Variants in MTO1 observed in about 807,000 individuals in gnomAD.
MTO1 encodes the protein 5-taurinomethyluridine-[tRNA] synthase subunit MTO1, mitochondrial.
In MTO1, 46 loss-of-function variants were observed where a neutral mutation model predicts 71.6. The ratio of observed to expected loss-of-function variants is 0.64; its 90% CI spans 0.51 to 0.82. The LOEUF (loss-of-function observed/expected upper bound fraction) is 0.82, where lower values mean the gene tolerates loss of function less well. Ranked by LOEUF, MTO1 falls within the 40% of genes least tolerant of loss-of-function variation. MTO1 has a pLI of 0.00. For missense variants in MTO1, 773 were observed against 867.5 expected (o/e 0.89, Z 1.37); for synonymous variants, 297 against 312.1 (o/e 0.95, Z 0.51).
intron 9 of MTO1, among the ~76,000 whole-genome samples, chr6:73,488,920 A>G (rs1490885409): frequency 6.6e-6 from 1 of 151,800 alleles, no homozygotes; most frequent in East Asian, 1.9e-4. Context: ...CCGTCTAAAA[A>G]ACAACAACAA....
chr6:73,473,735 T>TC, intron 4 of MTO1, 81 bp downstream of exon 4: 3 of 1,245,648 alleles, frequency 2.4e-6, no homozygotes, highest in Non-Finnish European at 3.3e-6. Context: ...TTTTTTTTTT[T>TC]TTTGGCAGCA....
At position 73,466,355 on chromosome 6, in the gene MTO1, G is replaced by A. The variant is rs148349692; in HGVS notation, c.364G>A (p.Val122Met). ...ATTAAACCGGCGTAAGGGACCAGCT[G>A]TGTGGGGTCTGAGAGCTCAGATTGA... Reference protein sequence around the residue: ...KVLNRRKGPAVWGLRAQIDRK... With the variant: ...KVLNRRKGPAMWGLRAQIDRK... The change falls in exon 2 of 12, where the codon GTG becomes ATG. Residue 122 changes from valine (V) to methionine (M), a missense_variant. Coordinates refer to ENST00000498286, the MANE Select transcript of MTO1 (RefSeq NM_012123.4). 10 of 1,614,060 alleles carry A rather than the reference G, an allele frequency of 6.2e-6. No individual in the cohort carries two copies. The African/African-American group carries it at 1.1e-4, about 17-fold the overall frequency.
At chr6:73,480,183 T>G (rs1008348295) in intron 6 of MTO1, 57 bp downstream of exon 6, 1 of 1,528,560 alleles carries the variant, frequency 6.5e-7, no homozygotes. Flanking sequence ...TAATGGTCAG[T>G]GAGGAGGCCT....
chr6:73,478,685 C>A (rs1771401052), intron 4 of MTO1, among the ~76,000 whole-genome samples: 1 of 151,914 alleles, frequency 6.6e-6, no homozygotes, highest in Non-Finnish European at 1.5e-5. Context: ...ATTACAGGCA[C>A]CTGCCACCAT....
At chr6:73,471,200 G>T in intron 3 of MTO1, among the ~76,000 whole-genome samples, 1 of 81,144 alleles carries the variant, frequency 1.2e-5, no homozygotes. Context: ...GCTTTTGGAG[G>T]CCATGCTTTT....
intron 7 of MTO1, among the ~76,000 whole-genome samples, chr6:73,481,470 A>T (rs1287440539): frequency 0.026 from 2 of 76 alleles, no homozygotes; most frequent in Non-Finnish European, 0.042. Context: ...GTGGGTTTTA[A>T]AAAAAAGATT....
In MTO1 at chr6:73,466,277, T is replaced by A. The variant is rs145131490; in HGVS notation, c.286T>A (p.Leu96Met). 14 of 1,613,996 alleles carry A rather than the reference T, an allele frequency of 8.7e-6. No individual in the cohort carries two copies. The highest frequency in any genetic ancestry group is 4.0e-5 in the African/African-American group (3 of 74,930). Reference protein sequence around the residue: ...KGHLMREVDALDGLCSRICDQ... With the variant: ...KGHLMREVDAMDGLCSRICDQ... ...ACATTTAATGAGGGAAGTAGATGCC[T>A]TGGATGGCCTGTGTTCTCGCATCTG... Residue 96 changes from leucine to methionine, a missense_variant, in exon 2 of 12, where the codon TTG (leucine) becomes ATG (methionine). Transcript: ENST00000498286.
intron 7 of MTO1, 160 bp downstream of exon 7, chr6:73,480,965 TA>T: frequency 1.9e-6 from 1 of 519,214 alleles, no homozygotes; most frequent in Non-Finnish European, 3.1e-6. Flanking sequence ...TTGTAGATAA[TA>T]GGGTTTTTTT....
At chr6:73,486,489 G>T in intron 9 of MTO1, 2 of 354,794 alleles carry the variant, frequency 5.6e-6, no homozygotes, top group Non-Finnish European at 5.7e-6. Context: ...TGTAATCCCA[G>T]CACTTTAGGA....
In MTO1 at chr6:73,507,132, T is replaced by A. The variant is rs1431735713; in HGVS notation, c.*6397T>A. Reference sequence around the variant, plus strand: ...TGACTGAAAAACATCTTAGATGCAATGAAATACAGTGTGTGTGTTTGTATT... The same window carrying A: ...TGACTGAAAAACATCTTAGATGCAAAGAAATACAGTGTGTGTGTTTGTATT... On this transcript the variant is annotated 3_prime_UTR_variant, in exon 12 of 12. Coordinates refer to ENST00000498286, the MANE Select transcript of MTO1 (RefSeq NM_012123.4). The A allele has an allele frequency of 6.6e-6, 1 of 152,038 alleles. No individual in the cohort carries two copies. The highest frequency in any genetic ancestry group is 6.6e-5 in the Admixed American group (1 of 15,262). The allele number at this position is 152,038 out of a possible 1,614,324, so 9.4% of individuals were successfully genotyped here. A position where few individuals can be genotyped will look rare whatever the true frequency, so the allele number is the denominator to read the frequency against.
chr6:73,482,657 T>C (rs1771539702), intron 9 of MTO1, 37 bp downstream of exon 9: 1 of 1,516,908 alleles, frequency 6.6e-7, no homozygotes, highest in African/African-American at 1.4e-5. Context: ...TCACTTTTTA[T>C]AGAAAAATAA....
At position 73,480,825 on chromosome 6, in the gene MTO1, A is replaced by G. The variant is rs752345992; in HGVS notation, c.1260+20A>G. The G allele has an allele frequency of 1.2e-6, 2 of 1,612,564 alleles. No individual in the cohort carries two copies. Among genetic ancestry groups the G allele is most frequent in the Admixed American group, 3.3e-5 (2 of 59,882 alleles). ...GCTCAAGTAAGAAGTTAAGATATTAATGTAAACTGAAAGGGACTATTTAAC... is the reference window on the plus strand; with the variant it reads ...GCTCAAGTAAGAAGTTAAGATATTAGTGTAAACTGAAAGGGACTATTTAAC... On this transcript the variant is annotated intron_variant, in intron 7 of 11. Coordinates refer to ENST00000498286, the MANE Select transcript of MTO1 (RefSeq NM_012123.4).
intron 3 of MTO1, among the ~76,000 whole-genome samples, chr6:73,469,381 T>C (rs1396828532): frequency 1.3e-5 from 2 of 151,750 alleles, no homozygotes; most frequent in African/African-American, 4.8e-5. Context: ...TCCCAGCACT[T>C]TGGGAGGCTG....
Position 73,506,315 on chromosome 6 carries a change from G to T in MTO1, c.*5580G>T, listed in dbSNP as rs924503468. ...TTATGTTCTTTGTTTGATATGGTTTGGCTGTGTCCCCACCCAAATCTCAAC... is the reference window on the plus strand; with the variant it reads ...TTATGTTCTTTGTTTGATATGGTTTTGCTGTGTCCCCACCCAAATCTCAAC... On this transcript the variant is annotated 3_prime_UTR_variant, in exon 12 of 12. Transcript: ENST00000498286. The T allele has an allele frequency of 6.6e-6, 1 of 152,132 alleles. No homozygotes were observed. Among genetic ancestry groups the T allele is most frequent in the Non-Finnish European group, 1.5e-5 (1 of 68,060 alleles). 9.4% of individuals were successfully genotyped at this position (152,132 alleles called of 1,614,324 possible).
chr6:73,500,491 A>G, intron 11 of MTO1, 83 bp from the exon 12 acceptor site: 5 of 1,231,204 alleles, frequency 4.1e-6, no homozygotes, highest in Non-Finnish European at 5.7e-6. Context: ...AAACTATACT[A>G]TACAGATTGT....
At position 73,482,474 on chromosome 6, in the gene MTO1, C is replaced by T. The variant is rs769243324; in HGVS notation, c.1491C>T (p.Ser497=). ...LRGYKDAGCV[S]QQRYERACWM... ...GGTATAAAGACGCTGGCTGTGTGTC[C>T]CAACAACGATATGAAAGAGCTTGTT... The change falls in exon 9 of 12, where the codon TCC becomes TCT. Residue 497 remains serine, a synonymous_variant. Transcript: ENST00000498286. 3 of 1,612,986 alleles carry T rather than the reference C, an allele frequency of 1.9e-6. No individual in the cohort carries two copies. The highest frequency in any genetic ancestry group is 2.5e-6 in the Non-Finnish European group (3 of 1,179,790).
intron 3 of MTO1, among the ~76,000 whole-genome samples, 154 bp from the exon 4 acceptor site, chr6:73,473,211 G>A (rs1415204623): frequency 1.3e-5 from 2 of 152,172 alleles, no homozygotes; most frequent in Non-Finnish European, 2.9e-5. Context: ...CCCGGGAGGC[G>A]GAGGTTGCAG....
intron 9 of MTO1, among the ~76,000 whole-genome samples, chr6:73,489,425 T>C (rs987449751): frequency 1.4e-5 from 2 of 148,100 alleles, no homozygotes; most frequent in African/African-American, 5.0e-5. Context: ...CCTAATGCTA[T>C]CCCTCACCCC....
At chr6:73,479,890 A>G in intron 5 of MTO1, 46 bp downstream of exon 5, 1 of 1,604,048 alleles carries the variant, frequency 6.2e-7, no homozygotes, top group African/African-American at 1.3e-5. Flanking sequence ...GAATGACGTC[A>G]ATCCTCTTTT....
Sources: gnomAD v4.1 joint callset for allele counts (sites outside exome capture counted in the v4.1 genomes callset) on GRCh38, gnomAD v4.1.1 for gene constraint, MANE v1.5 for transcripts, NCBI Gene and HGNC (gene_info 2026-07-23, HGNC 2026-07-21) for gene names.